The following SNX29 variants were observed in gnomAD, a reference collection of about 807,000 sequenced individuals.
The protein encoded by SNX29 is sorting nexin-29.
Under a neutral mutation model 102.1 loss-of-function variants are expected in SNX29, and 78 were observed. That is an observed-to-expected ratio of 0.76 (90% CI 0.64 to 0.92). SNX29 has a LOEUF of 0.92. SNX29 is among the 40% of genes least tolerant of loss of function. The pLI is 0.00. For synonymous variants in SNX29, 580 were observed against 414.5 expected, an observed-to-expected ratio of 1.40 and a Z score of -4.85; for missense variants, 1,280 against 1,061.7, an observed-to-expected ratio of 1.21 and a Z score of -2.86.
rs1011814361 is a variant in SNX29 at position 12,108,701 on chromosome 16, T to C, written c.1403-17932T>C. On this transcript the variant is annotated intron_variant, in intron 11 of 20. Transcript: ENST00000566228. The stretch of plus-strand genomic sequence containing the variant: ...AGGTTCAGTCCATTACGTAGAGTTA[T>C]GCTGGTGGTGGCCAGTGCAAGGGTT... 7.2e-5 allele frequency among the ~76,000 whole-genome samples: 11 copies of C among 152,294 alleles called. No individual in the cohort carries two copies. The East Asian group carries it at 1.7e-3, about 24-fold the overall frequency.
intron 13 of SNX29, among the ~76,000 whole-genome samples, chr16:12,150,944 A>C (rs2055272923): frequency 6.6e-6 from 1 of 152,192 alleles, no homozygotes; most frequent in African/African-American, 2.4e-5. Context: ...GTTACTGGGG[A>C]TGTGACCTTG....
intron 15 of SNX29, among the ~76,000 whole-genome samples, chr16:12,290,742 T>C (rs976996325): frequency 6.6e-6 from 1 of 152,156 alleles, no homozygotes; most frequent in African/African-American, 2.4e-5. Flanking sequence ...GTGACTAGTT[T>C]TGGCCAGTGG....
intron 20 of SNX29, among the ~76,000 whole-genome samples, chr16:12,536,031 T>G (rs1441447802): frequency 6.6e-6 from 1 of 152,154 alleles, no homozygotes; most frequent in Non-Finnish European, 1.5e-5. Context: ...CCGTTCCTAA[T>G]TTGATTGCCC....
intron 13 of SNX29, among the ~76,000 whole-genome samples, chr16:12,136,451 C>G (rs1251321917): frequency 1.3e-5 from 2 of 152,222 alleles, no homozygotes; most frequent in East Asian, 3.9e-4. Context: ...TGGCAGAAAC[C>G]CACACCAAAT....
At chr16:12,118,714 C>G (rs186253799) in intron 11 of SNX29, among the ~76,000 whole-genome samples, 3 of 152,156 alleles carry the variant, frequency 2.0e-5, no homozygotes, top group African/African-American at 7.2e-5. Flanking sequence ...AGTTACTGCT[C>G]CTAATAAATT....
intron 14 of SNX29, among the ~76,000 whole-genome samples, 194 bp downstream of exon 14, chr16:12,199,877 T>A (rs1307840088): frequency 6.6e-6 from 1 of 152,226 alleles, no homozygotes; most frequent in African/African-American, 2.4e-5. Context: ...ATAACTAGTA[T>A]TGTAAGACTC....
At chr16:12,536,266 C>T (rs911056274) in intron 20 of SNX29, among the ~76,000 whole-genome samples, 1 of 152,010 alleles carries the variant, frequency 6.6e-6, no homozygotes, top group African/African-American at 2.4e-5. Flanking sequence ...CTTGCTGTGA[C>T]AGAGTTGAGG....
chr16:12,438,522 A>G (rs1246880396), intron 18 of SNX29, among the ~76,000 whole-genome samples: 3 of 152,150 alleles, frequency 2.0e-5, no homozygotes, highest in Admixed American at 6.5e-5. Flanking sequence ...AGGAAAAGGT[A>G]GCAGCCTAGA....
At chr16:12,152,762 A>G (rs1177781087) in intron 13 of SNX29, among the ~76,000 whole-genome samples, 1 of 152,162 alleles carries the variant, frequency 6.6e-6, no homozygotes, top group African/African-American at 2.4e-5. Context: ...TAATAGCTCT[A>G]TTATTTTTTA....
At chr16:12,087,450 A>G (rs1288992534) in intron 11 of SNX29, 1 of 194,084 alleles carries the variant, frequency 5.2e-6, no homozygotes, top group Non-Finnish European at 1.1e-5. Flanking sequence ...AATAAAAATT[A>G]GCTGGTCATG....
At chr16:12,227,899 TAAAA>T (rs59381762) in intron 14 of SNX29, among the ~76,000 whole-genome samples, 15 of 71,568 alleles carry the variant, frequency 2.1e-4, no homozygotes, top group Non-Finnish European at 2.6e-4. Context: ...GACTCTGTCT[TAAAA>T]AAAAAAAAAA....
intron 3 of SNX29, 112 bp from the exon 4 acceptor site, chr16:12,027,208 T>C: frequency 7.3e-7 from 1 of 1,371,288 alleles, no homozygotes; most frequent in Non-Finnish European, 1.0e-6. Flanking sequence ...CCTGTCTGCC[T>C]TCACGCTGAG....
chr16:12,426,339 G>C (rs546565280), intron 18 of SNX29, among the ~76,000 whole-genome samples: 9 of 152,286 alleles, frequency 5.9e-5, no homozygotes, highest in South Asian at 2.1e-4. Context: ...TCCTGGCAGG[G>C]GGGTAAGAGA....
chr16:12,492,643 C>A (rs1419023893), intron 19 of SNX29, among the ~76,000 whole-genome samples: 1 of 152,130 alleles, frequency 6.6e-6, no homozygotes, highest in African/African-American at 2.4e-5. Context: ...AGGTTTTCTT[C>A]TAGGGTTTTT....
chr16:12,061,538 G>GAGAGA lies in SNX29; in HGVS notation c.1135_1136insAGAGA (p.Gly379GlufsTer16), dbSNP rs777622014. On this transcript the variant is annotated frameshift_variant, in exon 9 of 21. Coordinates refer to ENST00000566228, the MANE Select transcript of SNX29 (RefSeq NM_032167.5). LOFTEE classifies it high-confidence loss of function. ...ATTCTTTCACCTTAGGCCACTGGAA[G>GAGAGA]GGAACACCTGCCTCTCCCAGATGCA... 5.6e-6 allele frequency: 9 copies of GAGAGA among 1,603,216 alleles called. No homozygotes were observed. Among genetic ancestry groups the GAGAGA allele is most frequent in the Non-Finnish European group, 7.7e-6 (9 of 1,175,938 alleles).
intron 19 of SNX29, among the ~76,000 whole-genome samples, chr16:12,484,854 A>G (rs771936062): frequency 3.3e-5 from 5 of 152,076 alleles, no homozygotes; most frequent in Non-Finnish European, 7.4e-5. Flanking sequence ...GATTGAAATG[A>G]CTTATTTGTG....
chr16:12,023,117 G>A (rs1311334399), intron 3 of SNX29, among the ~76,000 whole-genome samples: 1 of 151,858 alleles, frequency 6.6e-6, no homozygotes, highest in Non-Finnish European at 1.5e-5. Context: ...GGCTGGTCTC[G>A]AACTCCTGAC....
chr16:12,561,298 G>C (rs748805979), intron 20 of SNX29, among the ~76,000 whole-genome samples: 1 of 152,130 alleles, frequency 6.6e-6, no homozygotes, highest in Non-Finnish European at 1.5e-5. Context: ...CATTCTCCAT[G>C]ATCTTCACAT....
At chr16:12,115,162 G>A (rs962873379) in intron 11 of SNX29, among the ~76,000 whole-genome samples, 8 of 152,154 alleles carry the variant, frequency 5.3e-5, no homozygotes, top group African/African-American at 2.4e-5. Context: ...GCTGAAGTCC[G>A]TCCCTCCCCC....
Sources: allele counts gnomAD v4.1 joint callset (sites outside exome capture counted in the v4.1 genomes callset), GRCh38; gene constraint gnomAD v4.1.1; transcripts MANE v1.5; gene names NCBI Gene and HGNC (gene_info 2026-07-23, HGNC 2026-07-21).